The following TAX1BP1 variants were observed in gnomAD, a reference collection of about 807,000 sequenced individuals.
TAX1BP1 encodes the protein Tax1 binding protein 1, also known as tax1-binding protein 1.
In TAX1BP1, 62 loss-of-function variants were observed where a neutral mutation model predicts 97.7. That is an observed-to-expected ratio of 0.63 (90% confidence interval 0.52 to 0.78). TAX1BP1 has a LOEUF of 0.78. TAX1BP1 is among the 30% of genes least tolerant of loss of function. The pLI is 0.00. For missense variants in TAX1BP1, 867 were observed against 916.1 expected (o/e 0.95, Z 0.69); for synonymous variants, 340 against 304.2 (o/e 1.12, Z -1.23).
At chr7:27,809,309 T>C (rs1790463119) in intron 13 of TAX1BP1, among the ~76,000 whole-genome samples, 1 of 152,256 alleles carries the variant, frequency 6.6e-6, no homozygotes, top group African/African-American at 2.4e-5. Flanking sequence ...GAAACAAATC[T>C]GTTTGATCTC....
At chr7:27,803,259 G>T (rs1015329986) in intron 13 of TAX1BP1, 6 of 1,284,198 alleles carry the variant, frequency 4.7e-6, no homozygotes, top group Non-Finnish European at 6.2e-6. Flanking sequence ...GACACATTTT[G>T]AAGTTCATGT....
chr7:27,747,587 A>C (rs574601717), intron 1 of TAX1BP1, among the ~76,000 whole-genome samples: 1 of 152,334 alleles, frequency 6.6e-6, no homozygotes, highest in African/African-American at 2.4e-5. Context: ...AGAAGAACAA[A>C]TAGGCTGAGC....
chr7:27,744,181 A>G lies in TAX1BP1; in HGVS notation c.-8+3912A>G, dbSNP rs547362265. On this transcript the variant is annotated intron_variant, in intron 1 of 16. Transcript: ENST00000396319. ...TCGCTGTCACCCAGGCTGGAGTGCA[A>G]TGGCGTGATCTCAGCTCACTGCAGG... 5.8e-4 allele frequency among the ~76,000 whole-genome samples: 88 copies of G among 152,200 alleles called. No individual in the cohort carries two copies. In the Middle Eastern group the frequency reaches 0.01, roughly 18 times the overall value.
intron 8 of TAX1BP1, 113 bp from the exon 9 acceptor site, chr7:27,791,893 G>C: frequency 1.1e-6 from 1 of 925,110 alleles, no homozygotes; most frequent in Non-Finnish European, 1.6e-6. Flanking sequence ...GTCATGAGTA[G>C]AAAAACCAAT....
chr7:27,780,613 A>C (rs796074172), intron 5 of TAX1BP1, among the ~76,000 whole-genome samples: 11 of 152,202 alleles, frequency 7.2e-5, no homozygotes, highest in African/African-American at 2.6e-4. Flanking sequence ...ATTGCCAAAA[A>C]CCAGTTTTGA....
chr7:27,745,241 G>A (rs1787775051), intron 1 of TAX1BP1, among the ~76,000 whole-genome samples: 1 of 152,150 alleles, frequency 6.6e-6, no homozygotes, highest in Non-Finnish European at 1.5e-5. Flanking sequence ...CAGGATGTTA[G>A]TGAAGCTACA....
chr7:27,818,878 T>C (rs1421974643), intron 15 of TAX1BP1, among the ~76,000 whole-genome samples: 4 of 152,152 alleles, frequency 2.6e-5, no homozygotes, highest in African/African-American at 9.7e-5. Context: ...ATCACTTAGC[T>C]GCTGTGGGTA....
At chr7:27,793,676 T>C (rs112653311) in intron 10 of TAX1BP1, among the ~76,000 whole-genome samples, 1 of 152,286 alleles carries the variant, frequency 6.6e-6, no homozygotes, top group African/African-American at 2.4e-5. Context: ...GTTAGCTAAT[T>C]CTTTTTTATT....
At chr7:27,770,622 C>G (rs1788811341) in intron 5 of TAX1BP1, among the ~76,000 whole-genome samples, 1 of 152,016 alleles carries the variant, frequency 6.6e-6, no homozygotes, top group Non-Finnish European at 1.5e-5. Flanking sequence ...AACAAGGCCT[C>G]CAGCAATTGC....
chr7:27,776,790 G>C (rs1189765480), intron 5 of TAX1BP1, among the ~76,000 whole-genome samples: 1 of 147,642 alleles, frequency 6.8e-6, no homozygotes, highest in African/African-American at 2.5e-5. Flanking sequence ...AGTTGTTTCA[G>C]AGTTCACTTG....
At chr7:27,741,696 T>C (rs1299107995) in intron 1 of TAX1BP1, among the ~76,000 whole-genome samples, 1 of 152,090 alleles carries the variant, frequency 6.6e-6, no homozygotes, top group African/African-American at 2.4e-5. Context: ...CTGTGGGTGT[T>C]TCTCGTTAGG....
chr7:27,770,648 T>G (rs757601056), intron 5 of TAX1BP1, among the ~76,000 whole-genome samples: 1 of 152,128 alleles, frequency 6.6e-6, no homozygotes, highest in Non-Finnish European at 1.5e-5. Flanking sequence ...AATTGCTAAA[T>G]GAACCGCTAG....
intron 7 of TAX1BP1, among the ~76,000 whole-genome samples, chr7:27,786,451 C>T (rs1278842759): frequency 6.6e-6 from 1 of 152,062 alleles, no homozygotes; most frequent in Admixed American, 6.6e-5. Context: ...TTAAGCAACC[C>T]TGAAATATAG....
intron 15 of TAX1BP1, among the ~76,000 whole-genome samples, chr7:27,825,651 C>G (rs1476863175): frequency 1.3e-5 from 2 of 152,180 alleles, no homozygotes; most frequent in Admixed American, 6.5e-5. Flanking sequence ...TAAATTACTT[C>G]TACCTTTTTT....
chr7:27,764,895 ATT>A (rs1051659605), intron 3 of TAX1BP1, among the ~76,000 whole-genome samples: 1 of 124,714 alleles, frequency 8.0e-6, no homozygotes, highest in Non-Finnish European at 1.7e-5. Context: ...GGGCTCCTGT[ATT>A]TTTTTTTGAC....
chr7:27,747,475 T>C (rs1192202205), intron 1 of TAX1BP1, among the ~76,000 whole-genome samples: 3 of 152,234 alleles, frequency 2.0e-5, no homozygotes, highest in Non-Finnish European at 4.4e-5. Context: ...AATATAAGTT[T>C]ATTTTAATCA....
In TAX1BP1 at chr7:27,829,021, ATC is replaced by A. The variant is rs1200852848; in HGVS notation, c.*196_*197del. 1.9e-5 allele frequency: 9 copies of A among 467,156 alleles called. No individual in the cohort carries two copies. Among genetic ancestry groups the A allele is most frequent in the Non-Finnish European group, 3.4e-5 (9 of 267,612 alleles). The allele number at this position is 467,156 out of a possible 1,614,324, so 28.9% of individuals were successfully genotyped here. ...GTCTTTGGCTTATCAATAAATTTTA[ATC>A]TCTGTTAATCTTACCTGCTTTAAAA... On this transcript the variant is annotated 3_prime_UTR_variant, in exon 17 of 17. Coordinates refer to ENST00000396319, the MANE Select transcript of TAX1BP1 (RefSeq NM_006024.7).
chr7:27,776,310 T>C (rs988213736), intron 5 of TAX1BP1, among the ~76,000 whole-genome samples: 26 of 152,198 alleles, frequency 1.7e-4, no homozygotes, highest in Admixed American at 6.5e-5. Flanking sequence ...GAAAGGACTT[T>C]CTTTAACATT....
chr7:27,739,784 G>A (rs1205718314), upstream of TAX1BP1: 1 of 152,272 alleles, frequency 6.6e-6, no homozygotes, highest in Non-Finnish European at 1.5e-5. Flanking sequence ...TCTATAAAAT[G>A]AGTGGGCTAG....
Sources: allele counts gnomAD v4.1 joint callset (sites outside exome capture counted in the v4.1 genomes callset), GRCh38; gene constraint gnomAD v4.1.1; transcripts MANE v1.5; gene names NCBI Gene and HGNC (gene_info 2026-07-23, HGNC 2026-07-21).